Variants in DCUN1D1 observed in about 807,000 individuals in gnomAD.
DCUN1D1 encodes defective in cullin neddylation 1 domain containing 1.
DCUN1D1 carries 3 observed loss-of-function variants against 39.0 expected under a neutral mutation model. The ratio of observed to expected loss-of-function variants is 0.08; its 90% CI spans 0.04 to 0.20. The LOEUF is 0.20. DCUN1D1 is among the 10% of genes least tolerant of loss of function. The pLI, the probability that DCUN1D1 is intolerant of heterozygous loss-of-function variation, is 1.00. For synonymous variants in DCUN1D1, 82 were observed against 96.3 expected, an observed-to-expected ratio of 0.85 and a Z score of 0.87; for missense variants, 158 against 302.4, an observed-to-expected ratio of 0.52 and a Z score of 3.54.
chr3:182,982,060 T>A (rs1728572103), upstream of DCUN1D1, among the ~76,000 whole-genome samples: 1 of 152,206 alleles, frequency 6.6e-6, no homozygotes, highest in Non-Finnish European at 1.5e-5. Context: ...ATTCACTGTA[T>A]CTCTTACTCC....
chr3:182,943,136 A>AAAAAAAAG lies in DCUN1D1; in HGVS notation c.*1957_*1958insCTTTTTTT. On this transcript the variant is annotated 3_prime_UTR_variant, in exon 7 of 7. Coordinates refer to ENST00000292782, the MANE Select transcript of DCUN1D1 (RefSeq NM_020640.4). ...ATTGAAAAAAAAAAAAAAAAAAAAA[A>AAAAAAAAG]GCTAATGGGATCTCATTTCAAAACA... 1 of 138,632 alleles carries AAAAAAAAG rather than the reference A, an allele frequency of 7.2e-6. No homozygotes were observed. Among genetic ancestry groups the AAAAAAAAG allele is most frequent in the Non-Finnish European group, 1.5e-5 (1 of 66,588 alleles). 8.6% of individuals were successfully genotyped at this position (138,632 alleles called of 1,614,324 possible). A position where few individuals can be genotyped will look rare whatever the true frequency, so the allele number is the denominator to read the frequency against.
intron 4 of DCUN1D1, among the ~76,000 whole-genome samples, chr3:182,948,107 A>G (rs887078689): frequency 6.6e-6 from 1 of 152,186 alleles, no homozygotes; most frequent in African/African-American, 2.4e-5. Flanking sequence ...ACAATAAAAA[A>G]TGTCTCCATA....
chr3:182,950,810 G>GC (rs1399871390), intron 4 of DCUN1D1: 1 of 151,680 alleles, frequency 6.6e-6, no homozygotes, highest in Non-Finnish European at 1.5e-5. Context: ...CTCGAGACCA[G>GC]CCTGACCAAC....
chr3:182,964,062 C>A lies in DCUN1D1; in HGVS notation c.221-13G>T. 6.2e-7 allele frequency: 1 copy of A among 1,602,000 alleles called. No individual in the cohort carries two copies. The highest frequency in any genetic ancestry group is 1.1e-5 in the South Asian group (1 of 90,100). On this transcript the variant is annotated splice_polypyrimidine_tract_variant and intron_variant, in intron 2 of 6. Transcript: ENST00000292782. ...TCATCTTGAGGGTCTTTAAAAATAA[C>A]AATGCAATATTAAAGTAGTGTCATA...
At chr3:182,977,470 G>C (rs908140662) in intron 1 of DCUN1D1, among the ~76,000 whole-genome samples, 1 of 151,368 alleles carries the variant, frequency 6.6e-6, no homozygotes, top group Non-Finnish European at 1.5e-5. Flanking sequence ...ACGGAGTCTC[G>C]CTCTCGCCCA....
chr3:182,948,603 G>A (rs1301981040), intron 4 of DCUN1D1, among the ~76,000 whole-genome samples: 3 of 152,180 alleles, frequency 2.0e-5, no homozygotes, highest in Non-Finnish European at 4.4e-5. Context: ...TTTTATGAGT[G>A]AATTTACTTC....
chr3:182,945,434 CAAT>C (rs1726343482), intron 6 of DCUN1D1, among the ~76,000 whole-genome samples: 1 of 152,066 alleles, frequency 6.6e-6, no homozygotes, highest in African/African-American at 2.4e-5. Flanking sequence ...GGCAACTCAT[CAAT>C]AATATGATTT....
intron 1 of DCUN1D1, among the ~76,000 whole-genome samples, chr3:182,977,372 G>C (rs1414557499): frequency 6.6e-6 from 1 of 151,926 alleles, no homozygotes. Context: ...TGTCTATGCT[G>C]GATGAAACTT....
At position 182,941,023 on chromosome 3, in the gene DCUN1D1, T is replaced by TA. The variant is rs1215636833; in HGVS notation, c.*4070dup. On this transcript the variant is annotated 3_prime_UTR_variant, in exon 7 of 7. Coordinates refer to ENST00000292782, the MANE Select transcript of DCUN1D1 (RefSeq NM_020640.4). ...TTTTTCAAAATCAACCAAAGGAAAA[T>TA]AAAAAAACACATTAATAGGAAACAC... The TA allele has an allele frequency of 1.2e-4, 18 of 151,838 alleles. No homozygotes were observed. The highest frequency in any genetic ancestry group is 2.9e-4 in the African/African-American group (12 of 41,410). The allele number at this position is 151,838 out of a possible 1,614,324, so 9.4% of individuals were successfully genotyped here.
Position 182,947,601 on chromosome 3 carries a change from T to C in DCUN1D1, c.552A>G (p.Leu184=). 2 of 1,589,492 alleles carry C rather than the reference T, an allele frequency of 1.3e-6. No homozygotes were observed. Among genetic ancestry groups the C allele is most frequent in the Non-Finnish European group, 1.7e-6 (2 of 1,162,890 alleles). Residue 184 remains leucine, a synonymous_variant, in exon 5 of 7, where the codon TTA becomes TTG. Coordinates refer to ENST00000292782, the MANE Select transcript of DCUN1D1 (RefSeq NM_020640.4). ...AGAATTTAAATCTTCCATTAAGCAC[T>C]AAGTTCCAGTAGGCAATGGCCATTT... ...DLEMAIAYWN[L]VLNGRFKFLD...
intron 1 of DCUN1D1, among the ~76,000 whole-genome samples, chr3:182,966,797 T>C (rs1727689477): frequency 6.6e-6 from 1 of 152,166 alleles, no homozygotes; most frequent in Non-Finnish European, 1.5e-5. Flanking sequence ...CTTGAGGTAC[T>C]CATGAATAGA....
At position 182,945,087 on chromosome 3, in the gene DCUN1D1, T is replaced by C. The variant is rs780360395; in HGVS notation, c.*7A>G. On this transcript the variant is annotated 3_prime_UTR_variant, in exon 7 of 7. Coordinates refer to ENST00000292782, the MANE Select transcript of DCUN1D1 (RefSeq NM_020640.4). ...GACTATGTACATTCTAGAAGGTTCC[T>C]TTAGTGCTACACTGTTGTACTTTTT... The C allele has an allele frequency of 2.5e-6, 4 of 1,610,796 alleles. No individual in the cohort carries two copies. The highest frequency in any genetic ancestry group is 1.1e-5 in the South Asian group (1 of 90,764).
At chr3:182,977,740 T>C (rs930020882) in intron 1 of DCUN1D1, among the ~76,000 whole-genome samples, 2 of 151,778 alleles carry the variant, frequency 1.3e-5, no homozygotes, top group Non-Finnish European at 2.9e-5. Context: ...AGCCGAACAC[T>C]TTTTAAAAAT....
At chr3:182,979,602 C>CT (rs1381787576) in intron 1 of DCUN1D1, among the ~76,000 whole-genome samples, 26 of 83,168 alleles carry the variant, frequency 3.1e-4, no homozygotes, top group Non-Finnish European at 7.1e-4. Flanking sequence ...GGACTTTTTC[C>CT]CCCCCCCAAA....
chr3:182,941,076 G>A lies in DCUN1D1; in HGVS notation c.*4018C>T, dbSNP rs1726113001. The A allele has an allele frequency of 1.3e-5, 2 of 152,118 alleles. No individual in the cohort carries two copies. The highest frequency in any genetic ancestry group is 4.1e-4 in the South Asian group (2 of 4,834). 9.4% of individuals were successfully genotyped at this position (152,118 alleles called of 1,614,324 possible). ...AACCTAGTCAAATAAATGAGTTGGT[G>A]AGCAAGAAATGCTACTTACTCAACA... On this transcript the variant is annotated 3_prime_UTR_variant, in exon 7 of 7. Coordinates refer to ENST00000292782, the MANE Select transcript of DCUN1D1 (RefSeq NM_020640.4).
intron 3 of DCUN1D1, among the ~76,000 whole-genome samples, chr3:182,963,096 T>C (rs1351656330): frequency 2.0e-5 from 3 of 152,152 alleles, no homozygotes; most frequent in Non-Finnish European, 4.4e-5. Flanking sequence ...GTGGTTTTTG[T>C]ATCTTGACTG....
At chr3:182,977,500 G>A (rs972396101) in intron 1 of DCUN1D1, among the ~76,000 whole-genome samples, 6 of 151,834 alleles carry the variant, frequency 4.0e-5, no homozygotes, top group Non-Finnish European at 8.8e-5. Context: ...GCAATGACGC[G>A]ATCTCGGCTC....
intron 1 of DCUN1D1, among the ~76,000 whole-genome samples, chr3:182,969,119 A>C (rs1388728912): frequency 6.6e-6 from 1 of 152,206 alleles, no homozygotes. Context: ...TCTTACACTT[A>C]CAATGCACTC....
At chr3:182,954,352 T>G (rs1187010631) in intron 4 of DCUN1D1, among the ~76,000 whole-genome samples, 3 of 152,132 alleles carry the variant, frequency 2.0e-5, no homozygotes, top group Non-Finnish European at 4.4e-5. Context: ...AGAGGAAAGT[T>G]AAAAAACCAG....
Sources: gnomAD v4.1 joint callset for allele counts (sites outside exome capture counted in the v4.1 genomes callset) on GRCh38, gnomAD v4.1.1 for gene constraint, MANE v1.5 for transcripts, NCBI Gene and HGNC (gene_info 2026-07-23, HGNC 2026-07-21) for gene names.